CDH18: variants seen among roughly 807,000 people sequenced by gnomAD.
CDH18 encodes the protein cadherin-18.
CDH18 carries 31 observed loss-of-function variants against 67.9 expected under a neutral mutation model. That is an observed-to-expected ratio of 0.46 (90% confidence interval 0.34 to 0.62). The LOEUF (loss-of-function observed/expected upper bound fraction) is 0.62. Among genes scored for constraint, CDH18 ranks in the 20% least tolerant of loss-of-function variants. The pLI, the probability that CDH18 is intolerant of heterozygous loss-of-function variation, is 0.01. For synonymous variants in CDH18, 362 were observed against 347.2 expected, an observed-to-expected ratio of 1.04 and a Z score of -0.48; for missense variants, 890 against 975.5, an observed-to-expected ratio of 0.91 and a Z score of 1.17.
chr5:19,576,682 T>C (rs1209772798), intron 7 of CDH18, among the ~76,000 whole-genome samples: 3 of 152,096 alleles, frequency 2.0e-5, no homozygotes, highest in African/African-American at 7.2e-5. Flanking sequence ...AGTATGAAGG[T>C]TCCTCAAAAA....
intron 2 of CDH18, among the ~76,000 whole-genome samples, chr5:19,939,863 T>C (rs1794648679): frequency 2.0e-5 from 3 of 151,936 alleles, no homozygotes; most frequent in Admixed American, 1.3e-4. Flanking sequence ...AAGGAGACTT[T>C]ACTTAATTTA....
intron 8 of CDH18, among the ~76,000 whole-genome samples, chr5:19,551,793 G>A (rs749611617): frequency 1.3e-5 from 2 of 152,144 alleles, no homozygotes; most frequent in Non-Finnish European, 2.9e-5. Flanking sequence ...GAATAAACAA[G>A]AGTCTCTATA....
chr5:19,817,256 C>G (rs1480772082), intron 3 of CDH18, among the ~76,000 whole-genome samples: 1 of 151,896 alleles, frequency 6.6e-6, no homozygotes, highest in Non-Finnish European at 1.5e-5. Flanking sequence ...GAAACAAACA[C>G]TCTTACACAT....
At chr5:19,712,115 T>G (rs186534594) in intron 5 of CDH18, among the ~76,000 whole-genome samples, 1 of 152,094 alleles carries the variant, frequency 6.6e-6, no homozygotes, top group African/African-American at 2.4e-5. Context: ...TGTGTACACA[T>G]GGACATAGAG....
chr5:20,523,228 G>C (rs1020183526), intron 1 of CDH18, among the ~76,000 whole-genome samples: 2 of 152,120 alleles, frequency 1.3e-5, no homozygotes, highest in Non-Finnish European at 2.9e-5. Flanking sequence ...AAGCAAGTTT[G>C]CTCATGCATG....
At chr5:19,720,368 A>C (rs1561140946) in intron 5 of CDH18, among the ~76,000 whole-genome samples, 2 of 152,174 alleles carry the variant, frequency 1.3e-5, no homozygotes, top group Non-Finnish European at 2.9e-5. Flanking sequence ...TCTTGCGCTC[A>C]AGAAGGATGT....
intron 5 of CDH18, among the ~76,000 whole-genome samples, chr5:19,685,327 A>C (rs957790975): frequency 1.3e-5 from 2 of 152,162 alleles, no homozygotes; most frequent in African/African-American, 4.8e-5. Flanking sequence ...TCTACTAGAC[A>C]CCTTCCCTCC....
At chr5:19,523,988 C>T (rs1220098753) in intron 9 of CDH18, among the ~76,000 whole-genome samples, 1 of 151,990 alleles carries the variant, frequency 6.6e-6, no homozygotes, top group Non-Finnish European at 1.5e-5. Flanking sequence ...CAGAAGACTG[C>T]ATTCAAGTAT....
intron 1 of CDH18, among the ~76,000 whole-genome samples, chr5:20,549,127 A>G (rs1757498622): frequency 6.6e-6 from 1 of 152,150 alleles, no homozygotes; most frequent in Non-Finnish European, 1.5e-5. Context: ...GTTTATGTAA[A>G]ATACTTAGAG....
intron 2 of CDH18, among the ~76,000 whole-genome samples, chr5:19,996,380 G>A (rs556532299): frequency 4.6e-5 from 7 of 151,932 alleles, no homozygotes; most frequent in South Asian, 2.1e-4. Context: ...TATTAATGTC[G>A]TTCCCAAGTT....
rs931194684 is a variant in CDH18, at chr5:20,101,796, G to A, written c.-517-109782C>T. On this transcript the variant is annotated intron_variant, in intron 2 of 14. Coordinates refer to the CDH18 transcript ENST00000507958. The stretch of plus-strand genomic sequence containing the variant: ...TGTGTTAGAAACAAAACAGCTAGCC[G>A]GGCGTGTTGGCTCACGTCTATAATC... 9.2e-5 allele frequency among the ~76,000 whole-genome samples: 14 copies of A among 152,314 alleles called. 1 individual carries two copies. In the East Asian group the frequency reaches 1.9e-3, roughly 21 times the overall value.
rs1243631902 is a variant in CDH18 at position 19,574,192 on chromosome 5, C to CT, written c.1000-2361dup. On this transcript the variant is annotated intron_variant, in intron 7 of 12. Transcript: ENST00000382275. ...CTTGTTCCATTTCTTAGCAGGTCCCCTGGCAAGTTAGATGCCATTTGCCTC... is the reference window on the plus strand; with the variant it reads ...CTTGTTCCATTTCTTAGCAGGTCCCCTTGGCAAGTTAGATGCCATTTGCCTC... 9.2e-5 allele frequency among the ~76,000 whole-genome samples: 14 copies of CT among 152,332 alleles called. No homozygotes were observed. In the East Asian group the frequency reaches 2.5e-3, roughly 27 times the overall value.
chr5:20,133,714 C>G lies in CDH18; in HGVS notation c.-518+121730G>C, dbSNP rs545904011. Among the ~76,000 whole-genome samples the G allele has an allele frequency of 6.6e-5, 10 of 151,880 alleles. No individual in the cohort carries two copies. In the East Asian group the frequency reaches 1.9e-3, roughly 29 times the overall value. On this transcript the variant is annotated intron_variant, in intron 2 of 14. Transcript: ENST00000507958. Reference sequence around the variant, plus strand: ...CTTTATATTATAATATAAAGTGCCCCCTAACCTTCAAGATTTATTTTTTAT... The same window carrying G: ...CTTTATATTATAATATAAAGTGCCCGCTAACCTTCAAGATTTATTTTTTAT...
chr5:19,534,475 G>T (rs2127006849), intron 9 of CDH18, among the ~76,000 whole-genome samples: 1 of 152,102 alleles, frequency 6.6e-6, no homozygotes, highest in East Asian at 1.9e-4. Context: ...GAAGGAAAAA[G>T]GTGACGTTAA....
intron 1 of CDH18, among the ~76,000 whole-genome samples, chr5:20,453,333 A>G (rs184911618): frequency 6.6e-6 from 1 of 152,144 alleles, no homozygotes; most frequent in African/African-American, 2.4e-5. Flanking sequence ...TTTTAATTTG[A>G]CTTGTGAGCC....
intron 1 of CDH18, among the ~76,000 whole-genome samples, chr5:20,496,040 T>C (rs1042045820): frequency 1.3e-5 from 2 of 151,986 alleles, no homozygotes; most frequent in African/African-American, 2.4e-5. Flanking sequence ...AATAATATTA[T>C]TGAGTTGAGA....
At chr5:20,045,505 G>A (rs1025323784) in intron 2 of CDH18, among the ~76,000 whole-genome samples, 3 of 151,304 alleles carry the variant, frequency 2.0e-5, no homozygotes, top group Non-Finnish European at 4.4e-5. Flanking sequence ...CTAGTTCGAG[G>A]GATTATATCT....
chr5:19,571,700 C>A lies in CDH18; in HGVS notation c.1132G>T (p.Asp378Tyr). ...GGCATGGAAAATAGTGGTGGTTCAT[C>A]TACATCCCCAACAATGATCTTCAGC... The part of the protein sequence containing the change: ...TMLKIIVGDV[D>Y]EPPLFSMPSY... Residue 378 changes from aspartate to tyrosine, a missense_variant, in exon 8 of 13, where the codon GAT becomes TAT. Coordinates refer to ENST00000382275, the MANE Select transcript of CDH18 (RefSeq NM_004934.5). 6.2e-7 allele frequency: 1 copy of A among 1,614,008 alleles called. No individual in the cohort carries two copies. Among genetic ancestry groups the A allele is most frequent in the Non-Finnish European group, 8.5e-7 (1 of 1,179,940 alleles).
At position 20,241,905 on chromosome 5, in the gene CDH18, T is replaced by TATATATACATATATATATATAA. The variant is rs369967608; in HGVS notation, c.-518+13538_-518+13539insTTATATATATATATGTATATAT. Among the ~76,000 whole-genome samples the TATATATACATATATATATATAA allele has an allele frequency of 7.4e-3, 1,043 of 141,422 alleles. 18 individuals are homozygous for TATATATACATATATATATATAA. The highest frequency in any genetic ancestry group is 0.027 in the African/African-American group (979 of 35,912). The allele number at this position is 141,422 out of a possible 152,430, so 92.8% of individuals were successfully genotyped here. On this transcript the variant is annotated intron_variant, in intron 2 of 14. Coordinates refer to the CDH18 transcript ENST00000507958. The stretch of plus-strand genomic sequence containing the variant: ...ATATATATATATGTATATATATATA[T>TATATATACATATATATATATAA]ATATTGCTTAGTCAGAGGCACTGTG...
Sources: gnomAD v4.1 joint callset for allele counts (sites outside exome capture counted in the v4.1 genomes callset) on GRCh38, gnomAD v4.1.1 for gene constraint, MANE v1.5 for transcripts, NCBI Gene and HGNC (gene_info 2026-07-23, HGNC 2026-07-21) for gene names.